PSMD1: variants seen among roughly 807,000 people sequenced by gnomAD.
PSMD1 encodes proteasome 26S subunit, non-ATPase 1, also known as 26S proteasome non-ATPase regulatory subunit 1.
PSMD1 carries 18 observed loss-of-function variants against 119.0 expected under a neutral mutation model. The observed-to-expected ratio is 0.15, with a 90% CI of 0.10 to 0.22. The LOEUF (loss-of-function observed/expected upper bound fraction) is 0.22. PSMD1 is among the 10% of genes least tolerant of loss of function. PSMD1 has a pLI of 1.00. For missense variants in PSMD1, 702 were observed against 1,158.5 expected, an observed-to-expected ratio of 0.61 and a Z score of 5.72; for synonymous variants, 374 against 396.6, an observed-to-expected ratio of 0.94 and a Z score of 0.68.
At chr2:231,096,052 A>ATTTCT (rs1445031563) in intron 16 of PSMD1, among the ~76,000 whole-genome samples, 3 of 152,334 alleles carry the variant, frequency 2.0e-5, no homozygotes, top group Admixed American at 6.5e-5. Flanking sequence ...TATTAGAAAG[A>ATTTCT]GGTCTGCAGA....
At chr2:231,143,144 T>C (rs1442561788) in intron 17 of PSMD1, among the ~76,000 whole-genome samples, 1 of 152,166 alleles carries the variant, frequency 6.6e-6, no homozygotes, top group African/African-American at 2.4e-5. Context: ...TTTTGTATTT[T>C]TTTTTTAACT....
At chr2:231,137,684 C>T (rs1280479803) in intron 16 of PSMD1, among the ~76,000 whole-genome samples, 3 of 152,018 alleles carry the variant, frequency 2.0e-5, no homozygotes, top group Non-Finnish European at 4.4e-5. Flanking sequence ...TTTTTCAACC[C>T]AGCACCCTTC....
chr2:231,147,921 A>G (rs1249155366), intron 18 of PSMD1, among the ~76,000 whole-genome samples: 1 of 152,206 alleles, frequency 6.6e-6, no homozygotes, highest in Non-Finnish European at 1.5e-5. Context: ...TTCTAATTTT[A>G]TGGAGCTTTG....
At chr2:231,067,701 G>A (rs1020702957) in intron 5 of PSMD1, among the ~76,000 whole-genome samples, 7 of 151,796 alleles carry the variant, frequency 4.6e-5, no homozygotes, top group Non-Finnish European at 1.0e-4. Context: ...CTGTCAACCA[G>A]GCTGGAGTGC....
At chr2:231,166,086 A>G (rs561253394) in intron 23 of PSMD1, 69 bp downstream of exon 23, 119 of 1,355,372 alleles carry the variant, frequency 8.8e-5, no homozygotes, top group Non-Finnish European at 1.1e-4. Flanking sequence ...TAGAATATTG[A>G]TAGAGAATGA....
chr2:231,093,106 A>G (rs1305197658), intron 16 of PSMD1, among the ~76,000 whole-genome samples: 1 of 152,218 alleles, frequency 6.6e-6, no homozygotes, highest in Non-Finnish European at 1.5e-5. Context: ...ACAGGGCAAA[A>G]GAAAAGCAGA....
At chr2:231,061,827 C>G (rs1361125713) in intron 2 of PSMD1, among the ~76,000 whole-genome samples, 1 of 152,154 alleles carries the variant, frequency 6.6e-6, no homozygotes, top group African/African-American at 2.4e-5. Flanking sequence ...GCCTTGACCT[C>G]CCAAAGTACT....
chr2:231,157,722 A>G (rs539237081), intron 19 of PSMD1, among the ~76,000 whole-genome samples: 3 of 151,768 alleles, frequency 2.0e-5, no homozygotes, highest in African/African-American at 4.8e-5. Context: ...GCACACCGCC[A>G]TGCCCGGCAA....
At chr2:231,123,836 G>A in intron 16 of PSMD1, 1 of 1,172,548 alleles carries the variant, frequency 8.5e-7, no homozygotes, top group Non-Finnish European at 1.3e-6. Flanking sequence ...CTGCTCATCT[G>A]TTTTTTTAAG....
At chr2:231,127,273 AC>A (rs1186471496) in intron 16 of PSMD1, among the ~76,000 whole-genome samples, 2 of 150,762 alleles carry the variant, frequency 1.3e-5, no homozygotes, top group African/African-American at 2.4e-5. Context: ...AACAACAACA[AC>A]AAAAAAAAAA....
chr2:231,073,090 TC>T (rs977189694), intron 7 of PSMD1, among the ~76,000 whole-genome samples: 1 of 151,692 alleles, frequency 6.6e-6, no homozygotes, highest in African/African-American at 2.4e-5. Context: ...GAATAGGGAG[TC>T]CCAAGGAGAA....
rs143974078 is a variant in PSMD1, at chr2:231,129,479, A to G, written c.1884-9257A>G. On this transcript the variant is annotated intron_variant, in intron 16 of 24. Transcript: ENST00000308696. ...CCTCGCCCATTTTAGCAGCACCTGA[A>G]AAGTATTAGTCTTTTTGGAAATGTA... Among the ~76,000 whole-genome samples the G allele has an allele frequency of 2.4e-4, 37 of 152,336 alleles. No individual in the cohort carries two copies. The East Asian group carries it at 6.6e-3, about 27-fold the overall frequency.
chr2:231,099,887 A>G (rs1694821687), intron 16 of PSMD1, among the ~76,000 whole-genome samples: 1 of 152,124 alleles, frequency 6.6e-6, no homozygotes, highest in South Asian at 2.1e-4. Flanking sequence ...CCTGACCACC[A>G]AGGAAATACT....
intron 5 of PSMD1, among the ~76,000 whole-genome samples, chr2:231,069,187 T>TA (rs1693978342): frequency 1.3e-5 from 2 of 151,366 alleles, no homozygotes; most frequent in Non-Finnish European, 2.9e-5. Context: ...GAAAAATGTT[T>TA]TAAAAAAAAA....
intron 16 of PSMD1, 55 bp downstream of exon 16, chr2:231,087,236 G>C: frequency 6.8e-7 from 1 of 1,462,576 alleles, no homozygotes; most frequent in South Asian, 1.2e-5. Flanking sequence ...TGGAAATGTA[G>C]TAGTCACTAC....
chr2:231,148,803 T>G (rs1696304707), intron 18 of PSMD1, among the ~76,000 whole-genome samples: 1 of 152,196 alleles, frequency 6.6e-6, no homozygotes, highest in South Asian at 2.1e-4. Flanking sequence ...CATCTTTCCT[T>G]TATCTGATAA....
intron 7 of PSMD1, among the ~76,000 whole-genome samples, chr2:231,074,550 C>T (rs1694116629): frequency 2.0e-5 from 3 of 151,874 alleles, no homozygotes; most frequent in Non-Finnish European, 4.4e-5. Flanking sequence ...CTGATTTTCT[C>T]TAGTTCTATC....
chr2:231,137,022 T>G (rs1695984873), intron 16 of PSMD1, among the ~76,000 whole-genome samples: 1 of 145,562 alleles, frequency 6.9e-6, no homozygotes. Context: ...GTGTTATATA[T>G]TTATGTACCA....
At chr2:231,122,540 G>A (rs1695581364) in intron 16 of PSMD1, among the ~76,000 whole-genome samples, 1 of 152,118 alleles carries the variant, frequency 6.6e-6, no homozygotes, top group African/African-American at 2.4e-5. Flanking sequence ...CATTGAATAA[G>A]TTAAATATCC....
Sources: allele counts gnomAD v4.1 joint callset (sites outside exome capture counted in the v4.1 genomes callset), GRCh38; gene constraint gnomAD v4.1.1; transcripts MANE v1.5; gene names NCBI Gene and HGNC (gene_info 2026-07-23, HGNC 2026-07-21).